KCNIP4: variants seen among roughly 807,000 people sequenced by gnomAD.
KCNIP4 encodes the protein Kv channel-interacting protein 4.
In KCNIP4, 12 loss-of-function variants were observed where a neutral mutation model predicts 34.0. The observed-to-expected ratio is 0.35, with a 90% CI of 0.23 to 0.57. The LOEUF (loss-of-function observed/expected upper bound fraction) is 0.57. KCNIP4 is among the 20% of genes least tolerant of loss of function. The probability of loss-of-function intolerance (pLI) is 0.83; values close to 1 mark genes in which losing one functional copy is unlikely to be tolerated. For missense variants in KCNIP4, 238 were observed against 311.7 expected, an observed-to-expected ratio of 0.76 and a Z score of 1.78; for synonymous variants, 124 against 102.2, an observed-to-expected ratio of 1.21 and a Z score of -1.29.
intron 1 of KCNIP4, among the ~76,000 whole-genome samples, chr4:21,863,921 T>C (rs954513214): frequency 1.3e-5 from 2 of 151,508 alleles, no homozygotes; most frequent in East Asian, 1.9e-4. Context: ...CAAATGCAAA[T>C]ATTAAACAAC....
At chr4:21,232,484 T>C (rs1758866600) in intron 1 of KCNIP4, among the ~76,000 whole-genome samples, 1 of 152,152 alleles carries the variant, frequency 6.6e-6, no homozygotes, top group African/African-American at 2.4e-5. Flanking sequence ...AGGCAAAATA[T>C]GTCCAAATTT....
chr4:21,208,384 A>G (rs1343755575), intron 1 of KCNIP4, among the ~76,000 whole-genome samples: 1 of 152,130 alleles, frequency 6.6e-6, no homozygotes, highest in Non-Finnish European at 1.5e-5. Flanking sequence ...GCAGTCTTTG[A>G]GAATGTATGG....
intron 1 of KCNIP4, among the ~76,000 whole-genome samples, chr4:21,574,768 C>T (rs1006113152): frequency 6.6e-6 from 1 of 152,060 alleles, no homozygotes; most frequent in Non-Finnish European, 1.5e-5. Flanking sequence ...AGTATCTTGA[C>T]AACAAAATAA....
chr4:21,809,229 G>A (rs982340770), intron 1 of KCNIP4, among the ~76,000 whole-genome samples: 6 of 152,118 alleles, frequency 3.9e-5, no homozygotes, highest in African/African-American at 1.4e-4. Context: ...GGACAAAAAG[G>A]TGGAGGAAGG....
At chr4:21,229,829 T>C (rs377149866) in intron 1 of KCNIP4, among the ~76,000 whole-genome samples, 11 of 152,144 alleles carry the variant, frequency 7.2e-5, no homozygotes, top group African/African-American at 2.4e-4. Context: ...CCCACTCAGA[T>C]TTCCTCTCTG....
intron 1 of KCNIP4, among the ~76,000 whole-genome samples, chr4:21,155,801 A>G (rs576410476): frequency 6.6e-6 from 1 of 152,306 alleles, no homozygotes; most frequent in South Asian, 2.1e-4. Flanking sequence ...AATGCATGTA[A>G]ACGTTGGCAG....
At chr4:21,920,079 T>C (rs1299887331) in intron 1 of KCNIP4, among the ~76,000 whole-genome samples, 1 of 152,218 alleles carries the variant, frequency 6.6e-6, no homozygotes, top group Non-Finnish European at 1.5e-5. Context: ...AAGACTACTG[T>C]CTATACCGTT....
chr4:21,914,521 GTC>G (rs1728521399), intron 1 of KCNIP4, among the ~76,000 whole-genome samples: 1 of 152,078 alleles, frequency 6.6e-6, no homozygotes, highest in Non-Finnish European at 1.5e-5. Flanking sequence ...TGCACCATGT[GTC>G]TCTCTGTCTA....
chr4:21,622,703 T>A (rs1281284253), intron 1 of KCNIP4, among the ~76,000 whole-genome samples: 1 of 152,174 alleles, frequency 6.6e-6, no homozygotes, highest in Non-Finnish European at 1.5e-5. Context: ...AATTTTTAAA[T>A]AATCAGCAAA....
At position 21,566,947 on chromosome 4, in the gene KCNIP4, C is replaced by T. The variant is rs1739943263; in HGVS notation, c.61+381624G>A. 2.0e-5 allele frequency among the ~76,000 whole-genome samples: 3 copies of T among 152,106 alleles called. No individual in the cohort carries two copies. The South Asian group carries it at 6.2e-4, about 32-fold the overall frequency. ...CAAAATACCTCTATATTGTGTAATG[C>T]CAGATTTGTGTAAATCAGAAAAGAA... On this transcript the variant is annotated intron_variant, in intron 1 of 8. Coordinates refer to ENST00000382152, the MANE Select transcript of KCNIP4 (RefSeq NM_025221.6).
rs929557145 is a variant in KCNIP4, at chr4:21,865,956, C to CTA, written c.61+82613_61+82614dup. On this transcript the variant is annotated intron_variant, in intron 1 of 8. Transcript: ENST00000382152. ...ATATATATATGGTGGCAAATGTATG[C>CTA]TATATATATATTATATATATGGCAT... Among the ~76,000 whole-genome samples the CTA allele has an allele frequency of 6.0e-5, 9 of 150,476 alleles. No homozygotes were observed. The South Asian group carries it at 6.3e-4, about 11-fold the overall frequency.
At chr4:21,592,381 AT>A (rs1742288325) in intron 1 of KCNIP4, among the ~76,000 whole-genome samples, 1 of 152,108 alleles carries the variant, frequency 6.6e-6, no homozygotes, top group African/African-American at 2.4e-5. Flanking sequence ...TATTTTAAGT[AT>A]TCCATCATAG....
intron 1 of KCNIP4, among the ~76,000 whole-genome samples, chr4:21,268,895 G>A (rs541847611): frequency 3.9e-5 from 6 of 152,214 alleles, no homozygotes; most frequent in Non-Finnish European, 5.9e-5. Context: ...CTAGGCTAAG[G>A]TGCATGTGGG....
chr4:20,732,795 A>T lies in KCNIP4; in HGVS notation c.538-10T>A, dbSNP rs372827764. The stretch of plus-strand genomic sequence containing the variant: ...TTATATCAAGCATTTCCTGAAAAAT[A>T]AAAGGCACTCACGTGAGGCTGCACA... On this transcript the variant is annotated splice_polypyrimidine_tract_variant and intron_variant, in intron 6 of 8. Transcript: ENST00000382152. The T allele has an allele frequency of 3.3e-6, 5 of 1,527,034 alleles. No homozygotes were observed. Among genetic ancestry groups the T allele is most frequent in the Non-Finnish European group, 4.5e-6 (5 of 1,102,044 alleles). The allele number at this position is 1,527,034 out of a possible 1,614,324, so 94.6% of individuals were successfully genotyped here.
chr4:21,480,748 G>T (rs986482688), intron 1 of KCNIP4, among the ~76,000 whole-genome samples: 1 of 152,008 alleles, frequency 6.6e-6, no homozygotes, highest in African/African-American at 2.4e-5. Context: ...TGTAGAAACT[G>T]TAAAACATAA....
chr4:21,615,958 C>T (rs761220037), intron 1 of KCNIP4, among the ~76,000 whole-genome samples: 16 of 152,142 alleles, frequency 1.1e-4, no homozygotes, highest in Non-Finnish European at 2.4e-4. Context: ...CTATCCATGC[C>T]CTTTATGGTC....
At chr4:20,881,133 A>G (rs181260458) in intron 2 of KCNIP4, among the ~76,000 whole-genome samples, 60 of 152,314 alleles carry the variant, frequency 3.9e-4, no homozygotes, top group African/African-American at 1.4e-3. Flanking sequence ...AGTGACATAC[A>G]ATAAATATTT....
chr4:20,945,989 T>C (rs1463768794), intron 1 of KCNIP4, among the ~76,000 whole-genome samples: 2 of 152,038 alleles, frequency 1.3e-5, no homozygotes, highest in African/African-American at 2.4e-5. Context: ...AGAAAGAGGA[T>C]AAACGTAAGG....
At chr4:20,928,586 C>T (rs946818400) in intron 1 of KCNIP4, among the ~76,000 whole-genome samples, 45 of 151,526 alleles carry the variant, frequency 3.0e-4, no homozygotes, top group African/African-American at 1.1e-3. Context: ...GCAAACTAAA[C>T]CCAAAGTTAG....
Sources: allele counts gnomAD v4.1 joint callset (sites outside exome capture counted in the v4.1 genomes callset), GRCh38; gene constraint gnomAD v4.1.1; transcripts MANE v1.5; gene names NCBI Gene and HGNC (gene_info 2026-07-23, HGNC 2026-07-21).